COL25A1: variants seen among roughly 807,000 people sequenced by gnomAD.
The protein encoded by COL25A1 is collagen alpha-1(XXV) chain.
COL25A1 carries 103 observed loss-of-function variants against 128.4 expected under a neutral mutation model. That is an observed-to-expected ratio of 0.80 (90% CI 0.68 to 0.94). The LOEUF (loss-of-function observed/expected upper bound fraction) is 0.94, where lower values mean the gene tolerates loss of function less well. Among genes scored for constraint, COL25A1 ranks in the 40% least tolerant of loss-of-function variants. COL25A1 has a pLI of 0.00. For missense variants in COL25A1, 745 were observed against 840.0 expected, an observed-to-expected ratio of 0.89 and a Z score of 1.40; for synonymous variants, 279 against 277.2, an observed-to-expected ratio of 1.01 and a Z score of -0.06.
intron 8 of COL25A1, among the ~76,000 whole-genome samples, chr4:108,952,064 T>C (rs1257911737): frequency 6.6e-6 from 1 of 152,144 alleles, no homozygotes; most frequent in Non-Finnish European, 1.5e-5. Flanking sequence ...GAAATGAATG[T>C]GGGTTTGAAC....
chr4:109,282,435 T>C lies in COL25A1; in HGVS notation c.367+18148A>G, dbSNP rs1723466244. ...AGAAGTGGAAAAGAACTAAAAGGTG[T>C]TGCATAAAAATGAGAAAAAATAATG... On this transcript the variant is annotated intron_variant, in intron 3 of 37. Transcript: ENST00000399132. Among the ~76,000 whole-genome samples the C allele has an allele frequency of 2.6e-5, 4 of 152,132 alleles. No homozygotes were observed. In the South Asian group the frequency reaches 6.2e-4, roughly 24 times the overall value.
intron 3 of COL25A1, among the ~76,000 whole-genome samples, chr4:109,165,174 T>C (rs1441529689): frequency 6.6e-6 from 1 of 152,212 alleles, no homozygotes; most frequent in African/African-American, 2.4e-5. Flanking sequence ...GTAAGCTTAA[T>C]AGTTAATAAT....
At chr4:108,961,767 A>G (rs974458037) in intron 8 of COL25A1, among the ~76,000 whole-genome samples, 1 of 152,188 alleles carries the variant, frequency 6.6e-6, no homozygotes, top group East Asian at 1.9e-4. Context: ...CTTCCTTTCA[A>G]TGATGACAAG....
chr4:108,966,394 C>G (rs1159329375), intron 8 of COL25A1, among the ~76,000 whole-genome samples: 1 of 152,064 alleles, frequency 6.6e-6, no homozygotes, highest in East Asian at 1.9e-4. Flanking sequence ...CTGGGATTTT[C>G]AAGTTGAAAG....
chr4:109,197,462 AT>A (rs1776186795), intron 3 of COL25A1, among the ~76,000 whole-genome samples: 2 of 71,694 alleles, frequency 2.8e-5, no homozygotes, highest in Middle Eastern at 5.7e-3. Context: ...ATATATAAAT[AT>A]TATATATAAT....
At chr4:108,911,714 C>A (rs1423106271) in intron 13 of COL25A1, among the ~76,000 whole-genome samples, 3 of 151,144 alleles carry the variant, frequency 2.0e-5, no homozygotes, top group Non-Finnish European at 4.4e-5. Flanking sequence ...TTTGTGATTT[C>A]TTCTATAAAA....
chr4:109,269,552 G>A (rs1221354538), intron 3 of COL25A1, among the ~76,000 whole-genome samples: 1 of 150,024 alleles, frequency 6.7e-6, no homozygotes, highest in Non-Finnish European at 1.5e-5. Context: ...CCTACCAACA[G>A]TGTAAAAGTG....
At chr4:108,965,112 C>G (rs532867844) in intron 8 of COL25A1, among the ~76,000 whole-genome samples, 12 of 152,312 alleles carry the variant, frequency 7.9e-5, no homozygotes, top group African/African-American at 2.6e-4. Context: ...AAATAAACTT[C>G]TAAATGCTTT....
intron 3 of COL25A1, among the ~76,000 whole-genome samples, chr4:109,054,039 T>G (rs1761225248): frequency 6.6e-6 from 1 of 152,160 alleles, no homozygotes; most frequent in African/African-American, 2.4e-5. Flanking sequence ...GATAATAAAT[T>G]CCTGACTGAA....
At chr4:109,016,261 G>A (rs1286872836) in intron 5 of COL25A1, among the ~76,000 whole-genome samples, 1 of 152,212 alleles carries the variant, frequency 6.6e-6, no homozygotes, top group African/African-American at 2.4e-5. Context: ...GGGTAGTGCT[G>A]ATACAGCAGC....
intron 3 of COL25A1, among the ~76,000 whole-genome samples, chr4:109,201,838 C>G (rs1270958823): frequency 6.6e-6 from 1 of 152,006 alleles, no homozygotes; most frequent in Non-Finnish European, 1.5e-5. Flanking sequence ...TGTATACCAG[C>G]AATGAACAAT....
At chr4:108,963,030 A>G (rs1193340396) in intron 8 of COL25A1, among the ~76,000 whole-genome samples, 1 of 152,206 alleles carries the variant, frequency 6.6e-6, no homozygotes, top group Non-Finnish European at 1.5e-5. Flanking sequence ...TGCTTATGAA[A>G]GGATGCTGCT....
intron 3 of COL25A1, among the ~76,000 whole-genome samples, chr4:109,288,106 A>AT (rs1353464902): frequency 6.6e-6 from 1 of 152,184 alleles, no homozygotes. Flanking sequence ...CCATATGCTC[A>AT]TATCAGGCAA....
At chr4:109,274,993 T>C (rs1722676684) in intron 3 of COL25A1, among the ~76,000 whole-genome samples, 1 of 152,182 alleles carries the variant, frequency 6.6e-6, no homozygotes. Context: ...GTATTTAAAA[T>C]ACAAAATTAG....
chr4:108,941,271 A>G (rs1340045781), intron 9 of COL25A1, 95 bp downstream of exon 9: 1 of 940,950 alleles, frequency 1.1e-6, no homozygotes. Context: ...TACCACCCAC[A>G]CCCCACCCAT....
rs554221551 is a variant in COL25A1 at position 109,249,567 on chromosome 4, G to A, written c.367+51016C>T. 5.9e-4 allele frequency among the ~76,000 whole-genome samples: 90 copies of A among 151,910 alleles called. No individual in the cohort carries two copies. In the Middle Eastern group the frequency reaches 0.024, roughly 40 times the overall value. On this transcript the variant is annotated intron_variant, in intron 3 of 37. Coordinates refer to ENST00000399132, the MANE Select transcript of COL25A1 (RefSeq NM_198721.4). ...ATACAGTAAATAATCATAATTCCAC[G>A]TCAATAAGACCGAACATAGCACACT...
At position 109,160,662 on chromosome 4, in the gene COL25A1, G is replaced by C. The variant is rs190287571; in HGVS notation, c.368-110483C>G. Among the ~76,000 whole-genome samples the C allele has an allele frequency of 2.3e-3, 346 of 152,200 alleles. 1 individual carries two copies. The highest frequency in any genetic ancestry group is 7.7e-3 in the African/African-American group (318 of 41,536). On this transcript the variant is annotated intron_variant, in intron 3 of 37. Coordinates refer to ENST00000399132, the MANE Select transcript of COL25A1 (RefSeq NM_198721.4). ...TTACTACAAGACTGGCCTATTGTTG[G>C]TCCTACAAACAGTCAGTGAGCCTGA... is the stretch of plus-strand genomic sequence containing the variant.
intron 3 of COL25A1, among the ~76,000 whole-genome samples, chr4:109,117,393 T>C (rs1000702534): frequency 1.3e-5 from 2 of 151,966 alleles, no homozygotes; most frequent in African/African-American, 2.4e-5. Flanking sequence ...ACCATCAAAA[T>C]AGATTCTGTA....
intron 3 of COL25A1, among the ~76,000 whole-genome samples, chr4:109,189,504 C>T (rs985950339): frequency 2.1e-5 from 3 of 143,016 alleles, no homozygotes; most frequent in African/African-American, 8.0e-5. Context: ...GCCGAGATCA[C>T]GCCACTGCAC....
Sources: gnomAD v4.1 joint callset for allele counts (sites outside exome capture counted in the v4.1 genomes callset) on GRCh38, gnomAD v4.1.1 for gene constraint, MANE v1.5 for transcripts, NCBI Gene and HGNC (gene_info 2026-07-23, HGNC 2026-07-21) for gene names.